PLAC1: variants seen among roughly 807,000 people sequenced by gnomAD.
PLAC1 encodes the protein placenta associated 1, also known as placenta-specific protein 1.
For synonymous variants in PLAC1, 68 were observed against 62.1 expected, an observed-to-expected ratio of 1.09 and a Z score of -0.44; for missense variants, 136 against 163.2, an observed-to-expected ratio of 0.83 and a Z score of 0.91.
chrX:134,719,098 G>A (rs1231536577), intron 2 of PLAC1, among the ~76,000 whole-genome samples: 1 of 112,019 alleles, frequency 8.9e-6, no homozygotes, highest in Non-Finnish European at 1.9e-5. Flanking sequence ...GGAGAATGAC[G>A]GCTTAGTGTG....
chrX:134,628,260 A>G (rs1159241274), intron 1 of PLAC1, among the ~76,000 whole-genome samples: 1 of 111,861 alleles, frequency 8.9e-6, no homozygotes, highest in Non-Finnish European at 1.9e-5. Flanking sequence ...TCCCATATCC[A>G]CTGTGTATAG....
intron 1 of PLAC1, among the ~76,000 whole-genome samples, chrX:134,608,449 C>T (rs1212452763): frequency 1.8e-5 from 2 of 111,545 alleles, no homozygotes; most frequent in Non-Finnish European, 3.8e-5. Context: ...CTATATGATC[C>T]CAGTTACATG....
intron 1 of PLAC1, among the ~76,000 whole-genome samples, chrX:134,612,649 A>C (rs1025080801): frequency 8.9e-6 from 1 of 111,995 alleles, no homozygotes; most frequent in African/African-American, 3.2e-5. Flanking sequence ...GTCTCCATAC[A>C]AGCCTCTCTA....
intron 2 of PLAC1, among the ~76,000 whole-genome samples, chrX:134,670,331 C>G (rs759701199): frequency 4.0e-4 from 45 of 111,773 alleles, no homozygotes; most frequent in African/African-American, 1.4e-3. Context: ...CCCAAGCCCC[C>G]TCCCACCTCC....
rs200498313 is a variant in PLAC1 at position 134,685,449 on chromosome X, CT to C, written n.174+47985del. On this transcript the variant is annotated intron_variant and non_coding_transcript_variant, in intron 2 of 2. Transcript: ENST00000466797. Reference sequence around the variant, plus strand: ...CAGCAGGCTGGACAAAATGGCGTCCCTTTTTTTTTTTTTTTTTTTTTTTTTG... The same window carrying C: ...CAGCAGGCTGGACAAAATGGCGTCCCTTTTTTTTTTTTTTTTTTTTTTTTG... Among the ~76,000 whole-genome samples the C allele has an allele frequency of 6.6e-3, 323 of 49,157 alleles. 1 individual carries two copies. Among genetic ancestry groups the C allele is most frequent in the African/African-American group, 0.019 (233 of 12,469 alleles). 42.7% of individuals were successfully genotyped at this position (49,157 alleles called of 115,157 possible).
intron 2 of PLAC1, among the ~76,000 whole-genome samples, chrX:134,706,339 T>A (rs1357097223): frequency 1.8e-5 from 2 of 111,708 alleles, no homozygotes; most frequent in African/African-American, 6.5e-5. Context: ...CTGTAATAAA[T>A]CTCCTTTCTC....
chrX:134,658,913 C>T (rs1365089875), upstream of PLAC1, among the ~76,000 whole-genome samples: 1 of 111,745 alleles, frequency 8.9e-6, no homozygotes, highest in Non-Finnish European at 1.9e-5. Flanking sequence ...ATGTCCCTTC[C>T]CACCAGGAAT....
intron 2 of PLAC1, among the ~76,000 whole-genome samples, chrX:134,719,196 C>G (rs1011688392): frequency 6.3e-5 from 7 of 111,759 alleles, no homozygotes; most frequent in African/African-American, 2.0e-4. Context: ...ACAAATGTCA[C>G]TGAGTTGTAC....
At chrX:134,690,964 AAAAAAAAAAAAATATATATATATATATAT>A (rs2078535876) in intron 2 of PLAC1, among the ~76,000 whole-genome samples, 1 of 26,085 alleles carries the variant, frequency 3.8e-5, no homozygotes, top group African/African-American at 1.5e-4. Context: ...AAAAAAAAAA[AAAAAAAAAAAAATATATATATATATATAT>A]ATATATATAT....
intron 1 of PLAC1, among the ~76,000 whole-genome samples, chrX:134,616,687 C>T (rs1403088539): frequency 9.0e-6 from 1 of 111,509 alleles, no homozygotes; most frequent in African/African-American, 3.3e-5. Flanking sequence ...TATCTGGGGT[C>T]TTTTGTGGTT....
chrX:134,750,835 T>TTA (rs1387872807), intron 1 of PLAC1, among the ~76,000 whole-genome samples: 5 of 28,312 alleles, frequency 1.8e-4, no homozygotes, highest in African/African-American at 1.4e-3. Context: ...ATATATATAT[T>TTA]TATATATATA....
Position 134,614,280 on chromosome X carries a change from G to A in PLAC1, c.-130-12158C>T, listed in dbSNP as rs191290102. 3.1e-3 allele frequency among the ~76,000 whole-genome samples: 338 copies of A among 110,771 alleles called. 5 individuals carry two copies. In the Admixed American group the frequency reaches 0.031, roughly 10 times the overall value. On this transcript the variant is annotated intron_variant, in intron 1 of 2. Transcript: ENST00000359237. ...ATATTTGAGGTGTATAACATGATGT[G>A]TATATATATATACAGTAAAATAATA...
rs2124340139 is a variant in PLAC1 at position 134,565,962 on chromosome X, CAA to C, written c.*80_*81del. On this transcript the variant is annotated 3_prime_UTR_variant, in exon 3 of 3. Coordinates refer to ENST00000359237, the MANE Select transcript of PLAC1 (RefSeq NM_021796.4). ...CTCAAAAGTGCTCACATGAGGGTCA[CAA>C]GAGCACTTATTTGTCAGACATTTGT... The C allele has an allele frequency of 1.1e-6, 1 of 870,023 alleles. No homozygotes were observed. Among genetic ancestry groups the C allele is most frequent in the Non-Finnish European group, 1.6e-6 (1 of 611,813 alleles). 71.7% of individuals were successfully genotyped at this position (870,023 alleles called of 1,213,427 possible). A position where few individuals can be genotyped will look rare whatever the true frequency, so the allele number is the denominator to read the frequency against.
intron 2 of PLAC1, among the ~76,000 whole-genome samples, chrX:134,664,457 G>A (rs1229638913): frequency 8.9e-6 from 1 of 112,176 alleles, no homozygotes; most frequent in African/African-American, 3.2e-5. Flanking sequence ...CAACTGCCAG[G>A]CAAAAAGCTT....
chrX:134,671,028 C>T (rs779823117), intron 2 of PLAC1, among the ~76,000 whole-genome samples: 2 of 111,295 alleles, frequency 1.8e-5, no homozygotes, highest in South Asian at 7.7e-4. Context: ...ATTTTTAACC[C>T]CATGAGGTGA....
chrX:134,708,940 AG>A (rs1295556768), intron 2 of PLAC1, among the ~76,000 whole-genome samples: 1 of 111,792 alleles, frequency 8.9e-6, no homozygotes, highest in Non-Finnish European at 1.9e-5. Flanking sequence ...ACTGTACTCT[AG>A]TTATGTAAAA....
chrX:134,642,161 C>T (rs1173535595), intron 1 of PLAC1, among the ~76,000 whole-genome samples: 14 of 112,450 alleles, frequency 1.2e-4, no homozygotes, highest in Non-Finnish European at 2.3e-4. Context: ...TAGATCCATG[C>T]TGGAGTGCAG....
chrX:134,591,016 T>C (rs2078037159), intron 2 of PLAC1, among the ~76,000 whole-genome samples: 1 of 111,528 alleles, frequency 9.0e-6, no homozygotes, highest in African/African-American at 3.3e-5. Context: ...AGACCAGCAC[T>C]ACAGAGCTGG....
chrX:134,594,342 T>C (rs1244256717), intron 2 of PLAC1, among the ~76,000 whole-genome samples: 1 of 111,693 alleles, frequency 9.0e-6, no homozygotes, highest in Non-Finnish European at 1.9e-5. Context: ...TCATGAGTGA[T>C]ATTGGTCTGC....
Sources: gnomAD v4.1 joint callset for allele counts (sites outside exome capture counted in the v4.1 genomes callset) on GRCh38, gnomAD v4.1.1 for gene constraint, MANE v1.5 for transcripts, NCBI Gene and HGNC (gene_info 2026-07-23, HGNC 2026-07-21) for gene names.